The following VPS28 variants were observed in gnomAD, a reference collection of about 807,000 sequenced individuals.
VPS28 encodes the protein vacuolar protein sorting-associated protein 28 homolog.
In VPS28, 29 loss-of-function variants were observed where a neutral mutation model predicts 33.7. The ratio of observed to expected loss-of-function variants is 0.86; its 90% CI spans 0.64 to 1.17. VPS28 has a LOEUF of 1.17. VPS28 is among the 50% of genes most tolerant of loss of function. The pLI is 0.00. For missense variants in VPS28, 247 were observed against 312.2 expected (o/e 0.79, Z 1.57); for synonymous variants, 164 against 116.7 (o/e 1.40, Z -2.61).
rs781915925 is a variant in VPS28, at chr8:144,424,296, G to A, written c.403-28C>T. The A allele has an allele frequency of 2.2e-5, 34 of 1,568,998 alleles. 1 individual carries two copies. Among genetic ancestry groups the A allele is most frequent in the Non-Finnish European group, 2.6e-5 (30 of 1,158,342 alleles). Reference sequence around the variant, plus strand: ...GGGGGCAGGTGTGCACATGAGGCTCGCGTGTCCACGGGTGCGGGAGGCCCC... The same window carrying A: ...GGGGGCAGGTGTGCACATGAGGCTCACGTGTCCACGGGTGCGGGAGGCCCC... On this transcript the variant is annotated intron_variant, in intron 7 of 9. Coordinates refer to ENST00000292510, the MANE Select transcript of VPS28 (RefSeq NM_016208.4).
intron 1 of VPS28, among the ~76,000 whole-genome samples, chr8:144,427,610 G>A (rs1822866951): frequency 6.6e-6 from 1 of 152,174 alleles, no homozygotes; most frequent in South Asian, 2.1e-4. Flanking sequence ...CTTTAAGTAG[G>A]CATGAACTTG....
In VPS28 at chr8:144,423,797, C is replaced by A. The variant is rs781787964; in HGVS notation, c.*8G>T. 5.6e-6 allele frequency: 9 copies of A among 1,612,990 alleles called. No homozygotes were observed. Among genetic ancestry groups the A allele is most frequent in the Non-Finnish European group, 7.6e-6 (9 of 1,180,040 alleles). ...CTGCCCTTCTGTGCAAGGGCTAGTG[C>A]CCCGGGCTCAGGCATGCAGGAAGCG... On this transcript the variant is annotated 3_prime_UTR_variant, in exon 10 of 10. Coordinates refer to ENST00000292510, the MANE Select transcript of VPS28 (RefSeq NM_016208.4).
chr8:144,426,410 G>A (rs575059805), intron 2 of VPS28: 25 of 644,462 alleles, frequency 3.9e-5, no homozygotes, highest in African/African-American at 5.7e-5. Flanking sequence ...CTGAGAAGCC[G>A]GGGGCCGCAT....
At chr8:144,427,997 A>T (rs1272600547) in intron 1 of VPS28, among the ~76,000 whole-genome samples, 1 of 151,954 alleles carries the variant, frequency 6.6e-6, no homozygotes, top group Non-Finnish European at 1.5e-5. Flanking sequence ...GCTAACTGGG[A>T]GTGGACGGTG....
chr8:144,426,690 C>G (rs1016952639), intron 2 of VPS28: 7 of 560,856 alleles, frequency 1.2e-5, no homozygotes, highest in Admixed American at 3.2e-5. Flanking sequence ...CTGGCCACAC[C>G]GAAGCTCATC....
chr8:144,426,670 C>G, intron 2 of VPS28: 1 of 524,900 alleles, frequency 1.9e-6, no homozygotes, highest in African/African-American at 1.9e-5. Context: ...TGCCCAGGAC[C>G]CCCACCGTTC....
rs1554876936 is a variant in VPS28, at chr8:144,426,892, C to G, written c.37+17G>C. ...GCAGAAGCGGCTGAAAGCCTGCGCC[C>G]TTCCAGCCACACTCACCTCCTATGC... On this transcript the variant is annotated intron_variant, in intron 2 of 9. Transcript: ENST00000292510. The G allele has an allele frequency of 1.2e-6, 2 of 1,612,290 alleles. No homozygotes were observed. Among genetic ancestry groups the G allele is most frequent in the South Asian group, 2.2e-5 (2 of 90,984 alleles).
At chr8:144,428,081 G>A (rs1324314009) in intron 1 of VPS28, among the ~76,000 whole-genome samples, 1 of 151,984 alleles carries the variant, frequency 6.6e-6, no homozygotes, top group Non-Finnish European at 1.5e-5. Context: ...CCCAGCCGAG[G>A]AAGAGCCGGG....
chr8:144,423,743 CAG>C lies in VPS28; in HGVS notation c.*60_*61del, dbSNP rs1586662249. ...GGATGACCACGGCCTGTGTGGCGGA[CAG>C]GGGACCAGGAGCCATCGCCTCAGAC... On this transcript the variant is annotated 3_prime_UTR_variant, in exon 10 of 10. Transcript: ENST00000292510. The C allele has an allele frequency of 6.2e-7, 1 of 1,600,210 alleles. No homozygotes were observed. Among genetic ancestry groups the C allele is most frequent in the Non-Finnish European group, 8.5e-7 (1 of 1,170,754 alleles).
In VPS28 at chr8:144,423,745, G is replaced by C. The variant is rs968926432; in HGVS notation, c.*60C>G. 85 of 1,602,082 alleles carry C rather than the reference G, an allele frequency of 5.3e-5. 1 individual carries two copies. Among genetic ancestry groups the C allele is most frequent in the Non-Finnish European group, 3.5e-5 (41 of 1,172,144 alleles). On this transcript the variant is annotated 3_prime_UTR_variant, in exon 10 of 10. Transcript: ENST00000292510. ...ATGACCACGGCCTGTGTGGCGGACA[G>C]GGGACCAGGAGCCATCGCCTCAGAC...
chr8:144,426,068 C>A lies in VPS28; in HGVS notation c.67-5G>T. ...GTTCTTGTACAACTTCACTTCCTGCCGGAGAGAGCGGGCTCTGTGGGCCAG... is the reference window on the plus strand; with the variant it reads ...GTTCTTGTACAACTTCACTTCCTGCAGGAGAGAGCGGGCTCTGTGGGCCAG... On this transcript the variant is annotated splice_region_variant and splice_polypyrimidine_tract_variant and intron_variant, in intron 3 of 9. Transcript: ENST00000292510. 6.5e-7 allele frequency: 1 copy of A among 1,544,738 alleles called. No homozygotes were observed. Among genetic ancestry groups the A allele is most frequent in the East Asian group, 2.4e-5 (1 of 40,830 alleles).
In VPS28 at chr8:144,423,831, CG is replaced by C. The variant is rs1564716480; in HGVS notation, c.639del (p.Asn213LysfsTer23). On this transcript the variant is annotated frameshift_variant, in exon 10 of 10. Coordinates refer to ENST00000292510, the MANE Select transcript of VPS28 (RefSeq NM_016208.4). LOFTEE classifies it high-confidence loss of function. ...CAGGCATGCAGGAAGCGGTTGAAGGCGTTGTAGGCTGACTCCAGGTCGAACA... is the reference window on the plus strand; with the variant it reads ...CAGGCATGCAGGAAGCGGTTGAAGGCTTGTAGGCTGACTCCAGGTCGAACA... Reference protein sequence around the residue: ...QMLFDLESAYNAFNRFLHA With the variant: ...QMLFDLESAYXAFNRFLHA 6.2e-7 allele frequency: 1 copy of C among 1,613,126 alleles called. No individual in the cohort carries two copies. The highest frequency in any genetic ancestry group is 8.5e-7 in the Non-Finnish European group (1 of 1,180,030).
intron 1 of VPS28, among the ~76,000 whole-genome samples, chr8:144,428,005 G>A (rs1404405137): frequency 6.6e-6 from 1 of 152,184 alleles, no homozygotes; most frequent in Admixed American, 6.5e-5. Flanking sequence ...GGAGTGGACG[G>A]TGCTACCGGG....
chr8:144,424,334 C>T (rs1822572143), intron 7 of VPS28, 66 bp from the exon 8 acceptor site: 14 of 1,522,190 alleles, frequency 9.2e-6, no homozygotes, highest in Non-Finnish European at 1.1e-5. Context: ...GGCTCACGGG[C>T]CCCAACCCCT....
At chr8:144,424,532 G>T in intron 7 of VPS28, 186 bp downstream of exon 7, 2 of 801,220 alleles carry the variant, frequency 2.5e-6, no homozygotes, top group Non-Finnish European at 3.9e-6. Flanking sequence ...CCCCCGACAG[G>T]AGTCCAGGTG....
At chr8:144,426,240 G>C (rs782229110) in intron 2 of VPS28, 32 bp from the exon 3 acceptor site, 2 of 1,575,280 alleles carry the variant, frequency 1.3e-6, no homozygotes, top group Non-Finnish European at 1.7e-6. Flanking sequence ...TGGCAGGCTG[G>C]CCCCAAAGGG....
rs1214707752 is a variant in VPS28, at chr8:144,425,217, C to T, written c.195-166G>A. The T allele has an allele frequency of 2.8e-5, 18 of 637,316 alleles. No homozygotes were observed. The Admixed American group carries it at 3.6e-4, about 13-fold the overall frequency. The allele number at this position is 637,316 out of a possible 1,614,324, so 39.5% of individuals were successfully genotyped here. On this transcript the variant is annotated intron_variant, in intron 5 of 9. Coordinates refer to ENST00000292510, the MANE Select transcript of VPS28 (RefSeq NM_016208.4). ...TGCTAGTAGCTTTTGGGGGTGAGGC[C>T]CTGAGCACGTAGTGGGGCTTGTAGC...
At chr8:144,426,278 C>T in intron 2 of VPS28, 70 bp from the exon 3 acceptor site, 2 of 1,488,624 alleles carry the variant, frequency 1.3e-6, no homozygotes, top group Non-Finnish European at 1.8e-6. Flanking sequence ...CAGTCCCAGT[C>T]TCCATTTCAG....
rs1822717468 is a variant in VPS28 at position 144,426,080 on chromosome 8, G to A, written c.67-17C>T. The A allele has an allele frequency of 6.4e-7, 1 of 1,551,068 alleles. No individual in the cohort carries two copies. The highest frequency in any genetic ancestry group is 1.9e-5 in the Admixed American group (1 of 51,384). Reference sequence around the variant, plus strand: ...CTTCACTTCCTGCCGGAGAGAGCGGGCTCTGTGGGCCAGTGCCAACAGGGG... The same window carrying A: ...CTTCACTTCCTGCCGGAGAGAGCGGACTCTGTGGGCCAGTGCCAACAGGGG... On this transcript the variant is annotated splice_polypyrimidine_tract_variant and intron_variant, in intron 3 of 9. Coordinates refer to ENST00000292510, the MANE Select transcript of VPS28 (RefSeq NM_016208.4).
Sources: allele counts gnomAD v4.1 joint callset (sites outside exome capture counted in the v4.1 genomes callset), GRCh38; gene constraint gnomAD v4.1.1; transcripts MANE v1.5; gene names NCBI Gene and HGNC (gene_info 2026-07-23, HGNC 2026-07-21).